Variants in CHAMP1 observed in about 807,000 individuals in gnomAD.
CHAMP1 encodes the protein chromosome alignment maintaining phosphoprotein 1.
Under a neutral mutation model 54.5 loss-of-function variants are expected in CHAMP1, and 4 were observed. The observed-to-expected ratio is 0.07, with a 90% CI of 0.04 to 0.17. The LOEUF (loss-of-function observed/expected upper bound fraction) is 0.17, where lower values mean the gene tolerates loss of function less well. Ranked by LOEUF, CHAMP1 falls within the 10% of genes least tolerant of loss-of-function variation. CHAMP1 has a pLI of 1.00. For missense variants in CHAMP1, 994 were observed against 968.6 expected, an observed-to-expected ratio of 1.03 and a Z score of -0.35; for synonymous variants, 368 against 342.2, an observed-to-expected ratio of 1.08 and a Z score of -0.83.
At chr13:114,322,840 A>G (rs1295872234) in intron 2 of CHAMP1, 1 of 152,266 alleles carries the variant, frequency 6.6e-6, no homozygotes, top group Non-Finnish European at 1.5e-5. Context: ...TCCAGGACAC[A>G]TGAGTACACT....
rs1242502104 is a variant in CHAMP1, at chr13:114,325,092, C to G, written c.1250C>G (p.Pro417Arg). ...EHWKAVPPVS[P>R]ELRKPGPPLS... ...TGGAAGGCAGTTCCCCCAGTGTCTC[C>G]AGAGCTTCGCAAACCCGGCCCACCA... Residue 417 changes from proline to arginine, a missense_variant, in exon 3 of 3, where the codon CCA becomes CGA. By Grantham distance (103) the Pro-to-Arg change is moderately radical (BLOSUM62 -2). Around this residue, in one of 3 missense-constraint regions of CHAMP1, gnomAD observed 851 missense variants for 701.3 expected, o/e 1.21. Coordinates refer to ENST00000361283, the MANE Select transcript of CHAMP1 (RefSeq NM_032436.4). 9 of 1,614,018 alleles carry G rather than the reference C, an allele frequency of 5.6e-6. No individual in the cohort carries two copies. The Admixed American group carries it at 8.3e-5, about 15-fold the overall frequency.
rs2087229189 is a variant in CHAMP1, at chr13:114,325,167, C to T, written c.1325C>T (p.Pro442Leu). 1.9e-6 allele frequency: 3 copies of T among 1,614,158 alleles called. No individual in the cohort carries two copies. In the South Asian group the frequency reaches 3.3e-5, roughly 18 times the overall value. Residue 442 changes from proline (P) to leucine (L), a missense_variant, in exon 3 of 3, where the codon CCC becomes CTC. Coordinates refer to ENST00000361283, the MANE Select transcript of CHAMP1 (RefSeq NM_032436.4). ...GCAGGATCTCCAGAGCTCAGAAAACCCTCAGGGTCACCAGATCTTTGGAAG... is the reference window on the plus strand; with the variant it reads ...GCAGGATCTCCAGAGCTCAGAAAACTCTCAGGGTCACCAGATCTTTGGAAG... The part of the protein sequence containing the change: ...SPAGSPELRK[P>L]SGSPDLWKLS...
rs782653886 is a variant in CHAMP1, at chr13:114,325,433, T to G, written c.1591T>G (p.Phe531Val). 1 of 1,614,132 alleles carries G rather than the reference T, an allele frequency of 6.2e-7. No homozygotes were observed. Among genetic ancestry groups the G allele is most frequent in the South Asian group, 1.1e-5 (1 of 91,084 alleles). ...TACTGAGCCTAGAAAACCTGCCCTG[T>G]TTCCCGAGCCTGCCAAAACAGCCCC... is the stretch of plus-strand genomic sequence containing the variant. ...IDTEPRKPALFPEPAKTAPPA... is the reference protein window; with the variant it reads ...IDTEPRKPALVPEPAKTAPPA... The change falls in exon 3 of 3, where the codon TTT becomes GTT. Residue 531 changes from phenylalanine (F) to valine (V), a missense_variant. Transcript: ENST00000361283.
At chr13:114,318,801 T>C (rs1460573945) in intron 1 of CHAMP1, among the ~76,000 whole-genome samples, 1 of 150,760 alleles carries the variant, frequency 6.6e-6, no homozygotes, top group African/African-American at 2.4e-5. Flanking sequence ...AAGTTAAATG[T>C]CTTTATTTGT....
chr13:114,322,935 A>G (rs1219726382), intron 2 of CHAMP1: 1 of 152,218 alleles, frequency 6.6e-6, no homozygotes, highest in African/African-American at 2.4e-5. Flanking sequence ...TTACTACTTA[A>G]GAAGACTGGT....
rs73580919 is a variant in CHAMP1 at position 114,327,198 on chromosome 13, A to T, written c.*917A>T. On this transcript the variant is annotated 3_prime_UTR_variant, in exon 3 of 3. Transcript: ENST00000361283. The stretch of plus-strand genomic sequence containing the variant: ...TTATAGACATTTCTGTTAAAGAAAT[A>T]TATCGATTTTATGTTTTTCAATTAT... The T allele has an allele frequency of 6.0e-6, 1 of 167,012 alleles. No individual in the cohort carries two copies. Among genetic ancestry groups the T allele is most frequent in the Non-Finnish European group, 1.5e-5 (1 of 68,122 alleles). The allele number at this position is 167,012 out of a possible 1,614,324, so 10.3% of individuals were successfully genotyped here.
In CHAMP1 at chr13:114,323,939, A is replaced by G. The variant is rs782387383; in HGVS notation, c.97A>G (p.Met33Val). 2.5e-6 allele frequency: 4 copies of G among 1,614,082 alleles called. No homozygotes were observed. Among genetic ancestry groups the G allele is most frequent in the Admixed American group, 1.7e-5 (1 of 60,008 alleles). Residue 33 changes from methionine to valine, a missense_variant, in exon 3 of 3, where the codon ATG becomes GTG. Around this residue, in one of 3 missense-constraint regions of CHAMP1, gnomAD observed 84 missense variants for 120.7 expected, o/e 0.70. Coordinates refer to ENST00000361283, the MANE Select transcript of CHAMP1 (RefSeq NM_032436.4). ...AGACTATGAAAATGTACAAATCCAT[A>G]TGGGTACCATCCATCCAGAATTTTG... The part of the protein sequence containing the change: ...GTDYENVQIH[M>V]GTIHPEFCDE...
chr13:114,325,776 A>G lies in CHAMP1; in HGVS notation c.1934A>G (p.Asp645Gly). Residue 645 changes from aspartate to glycine, a missense_variant, in exon 3 of 3, where the codon GAT (aspartate) becomes GGT (glycine). Around this residue, in one of 3 missense-constraint regions of CHAMP1, gnomAD observed 851 missense variants for 701.3 expected, o/e 1.21. Transcript: ENST00000361283. ...EYIKTDLDAM[D>G]IKGQESSSDQ... The stretch of plus-strand genomic sequence containing the variant: ...ATAAAAACAGATTTGGATGCGATGG[A>G]TATTAAGGGCCAGGAATCAAGCAGT... The G allele has an allele frequency of 6.2e-7, 1 of 1,614,156 alleles. No homozygotes were observed. The highest frequency in any genetic ancestry group is 8.5e-7 in the Non-Finnish European group (1 of 1,180,014).
At chr13:114,323,389 C>T (rs536063961) in intron 2 of CHAMP1, 1 of 154,566 alleles carries the variant, frequency 6.5e-6, no homozygotes, top group African/African-American at 2.4e-5. Context: ...TTGATATTCA[C>T]TCATCTTTGT....
In CHAMP1 at chr13:114,316,589, C is replaced by CA. The variant is rs200610532; in HGVS notation, c.-179+1955dup. ...TGGGTGACAGAGCGAGACTCCCTCT[C>CA]AAAAAAAAATAAATAAATAAAAATG... On this transcript the variant is annotated intron_variant, in intron 1 of 2. Transcript: ENST00000361283. 0.016 allele frequency among the ~76,000 whole-genome samples: 2,369 copies of CA among 148,934 alleles called. 123 individuals carry two copies. The East Asian group carries it at 0.18, about 11-fold the overall frequency.
chr13:114,315,199 G>A (rs1260034283), intron 1 of CHAMP1, among the ~76,000 whole-genome samples: 2 of 152,160 alleles, frequency 1.3e-5, no homozygotes, highest in African/African-American at 4.8e-5. Context: ...AACCATTAAG[G>A]AAATGCAGAT....
Position 114,325,805 on chromosome 13 carries a change from C to G in CHAMP1, c.1963C>G (p.Gln655Glu). 6 of 1,614,050 alleles carry G rather than the reference C, an allele frequency of 3.7e-6. No individual in the cohort carries two copies. The highest frequency in any genetic ancestry group is 5.1e-6 in the Non-Finnish European group (6 of 1,180,026). ...TAAGGGCCAGGAATCAAGCAGTGAT[C>G]AAGAGCAGGTTGATGTGGAATCCAT... ...DIKGQESSSD[Q>E]EQVDVESIDF... Residue 655 changes from glutamine (Q) to glutamate (E), a missense_variant, in exon 3 of 3, where the codon CAA (glutamine) becomes GAA (glutamate). By Grantham distance (29) the Gln-to-Glu change is conservative (BLOSUM62 2). Around this residue, in one of 3 missense-constraint regions of CHAMP1, gnomAD observed 851 missense variants for 701.3 expected, o/e 1.21. Transcript: ENST00000361283.
intron 1 of CHAMP1, among the ~76,000 whole-genome samples, chr13:114,314,887 T>C (rs1040704421): frequency 1.3e-5 from 2 of 152,140 alleles, no homozygotes; most frequent in Non-Finnish European, 2.9e-5. Flanking sequence ...CTGGAAACAT[T>C]GCGTTTGAAA....
rs782362676 is a variant in CHAMP1 at position 114,325,652 on chromosome 13, C to T, written c.1810C>T (p.Pro604Ser). 3 of 1,614,140 alleles carry T rather than the reference C, an allele frequency of 1.9e-6. No individual in the cohort carries two copies. The highest frequency in any genetic ancestry group is 2.5e-6 in the Non-Finnish European group (3 of 1,180,030). The stretch of plus-strand genomic sequence containing the variant: ...GGTTCAGGAAGAACTTCTAGCTTCA[C>T]CTAAGAAACTCTTAGAAGATACTTT... Reference protein sequence around the residue: ...ILVQEELLASPKKLLEDTLFP... With the variant: ...ILVQEELLASSKKLLEDTLFP... Residue 604 changes from proline to serine, a missense_variant, in exon 3 of 3, where the codon CCT (proline) becomes TCT (serine). Coordinates refer to ENST00000361283, the MANE Select transcript of CHAMP1 (RefSeq NM_032436.4).
chr13:114,319,407 C>T (rs1023354166), intron 1 of CHAMP1, among the ~76,000 whole-genome samples: 4 of 152,026 alleles, frequency 2.6e-5, no homozygotes, highest in Non-Finnish European at 4.4e-5. Flanking sequence ...GGATGTGCAA[C>T]GGTTCCAGAG....
chr13:114,325,713 A>C lies in CHAMP1; in HGVS notation c.1871A>C (p.Gln624Pro). The change falls in exon 3 of 3, where the codon CAA becomes CCA. Residue 624 changes from glutamine to proline, a missense_variant. Physicochemically the swap from Gln to Pro is moderately conservative, Grantham distance 76 (BLOSUM62 -1). Coordinates refer to ENST00000361283, the MANE Select transcript of CHAMP1 (RefSeq NM_032436.4). ...PSSKKLKKDNQESSDAELSSS... is the reference protein window; with the variant it reads ...PSSKKLKKDNPESSDAELSSS... ...TCAAAGAAGCTCAAGAAAGACAACC[A>C]AGAGAGCTCAGACGCTGAGCTTAGT... is the stretch of plus-strand genomic sequence containing the variant. 2 of 1,614,048 alleles carry C rather than the reference A, an allele frequency of 1.2e-6. No individual in the cohort carries two copies. The highest frequency in any genetic ancestry group is 1.7e-6 in the Non-Finnish European group (2 of 1,179,992).
chr13:114,324,246 A>G lies in CHAMP1; in HGVS notation c.404A>G (p.Gln135Arg). The change falls in exon 3 of 3, where the codon CAG becomes CGG. Residue 135 changes from glutamine to arginine, a missense_variant. Coordinates refer to ENST00000361283, the MANE Select transcript of CHAMP1 (RefSeq NM_032436.4). The stretch of plus-strand genomic sequence containing the variant: ...ATACCTGCCCTTTCAATGGAAACAC[A>G]GAAACTTGGTTCAGTTTTGTCTCCA... ...KSIPALSMET[Q>R]KLGSVLSPES... 3 of 1,614,196 alleles carry G rather than the reference A, an allele frequency of 1.9e-6. No individual in the cohort carries two copies. Among genetic ancestry groups the G allele is most frequent in the Non-Finnish European group, 2.5e-6 (3 of 1,180,038 alleles).
chr13:114,325,168 C>G lies in CHAMP1; in HGVS notation c.1326C>G (p.Pro442=). Residue 442 remains proline (P), a synonymous_variant, in exon 3 of 3, where the codon CCC becomes CCG. Transcript: ENST00000361283. ...SPAGSPELRK[P]SGSPDLWKLS... ...CAGGATCTCCAGAGCTCAGAAAACC[C>G]TCAGGGTCACCAGATCTTTGGAAGC... The G allele has an allele frequency of 6.2e-7, 1 of 1,614,184 alleles. No homozygotes were observed. Among genetic ancestry groups the G allele is most frequent in the Non-Finnish European group, 8.5e-7 (1 of 1,180,028 alleles).
intron 2 of CHAMP1, chr13:114,322,570 A>T (rs2087188437): frequency 6.6e-6 from 1 of 152,210 alleles, no homozygotes; most frequent in African/African-American, 2.4e-5. Flanking sequence ...ACACGTTGTT[A>T]TGCAGTAATA....
Sources: gnomAD v4.1 joint callset for allele counts (sites outside exome capture counted in the v4.1 genomes callset) on GRCh38, gnomAD v4.1.1 for gene constraint, gnomAD v4.1.1 regional missense constraint, MANE v1.5 for transcripts, NCBI Gene and HGNC (gene_info 2026-07-23, HGNC 2026-07-21) for gene names.